Variants in VTI1A observed in about 807,000 individuals in gnomAD.
VTI1A encodes the protein vesicle transport through interaction with t-SNAREs 1A.
In VTI1A, 22 loss-of-function variants were observed where a neutral mutation model predicts 34.9. The ratio of observed to expected loss-of-function variants is 0.63; its 90% confidence interval spans 0.45 to 0.90. VTI1A has a LOEUF of 0.90. Ranked by LOEUF, VTI1A falls within the 40% of genes least tolerant of loss-of-function variation. VTI1A has a pLI of 0.00. For synonymous variants in VTI1A, 87 were observed against 97.3 expected (o/e 0.89, Z 0.62); for missense variants, 268 against 275.6 (o/e 0.97, Z 0.20).
chr10:112,510,055 C>G (rs73365022), intron 3 of VTI1A, among the ~76,000 whole-genome samples: 211 of 152,244 alleles, frequency 1.4e-3, no homozygotes, highest in African/African-American at 4.9e-3. Context: ...ACATTCAATC[C>G]CTGTCCAGTG....
At chr10:112,675,144 C>A (rs958459503) in intron 7 of VTI1A, among the ~76,000 whole-genome samples, 3 of 152,142 alleles carry the variant, frequency 2.0e-5, no homozygotes, top group Admixed American at 2.0e-4. Context: ...CTATGCTATG[C>A]CTTTTAATAA....
chr10:112,639,621 G>A (rs1322876107), intron 5 of VTI1A, among the ~76,000 whole-genome samples: 1 of 152,114 alleles, frequency 6.6e-6, no homozygotes, highest in African/African-American at 2.4e-5. Context: ...ACATTTAAGA[G>A]CTCTAGAACA....
chr10:112,709,164 C>G (rs1849310563), intron 7 of VTI1A, among the ~76,000 whole-genome samples: 1 of 152,222 alleles, frequency 6.6e-6, no homozygotes, highest in Non-Finnish European at 1.5e-5. Context: ...TTAGTCCCGG[C>G]CTTCATTTCA....
intron 2 of VTI1A, among the ~76,000 whole-genome samples, chr10:112,461,760 C>A (rs1422011283): frequency 6.6e-6 from 1 of 152,178 alleles, no homozygotes; most frequent in Admixed American, 6.5e-5. Flanking sequence ...CTCTGTCACC[C>A]AGACTGGAGT....
chr10:112,616,021 TCTCAACC>T (rs1845501724), intron 5 of VTI1A, among the ~76,000 whole-genome samples: 1 of 152,160 alleles, frequency 6.6e-6, no homozygotes, highest in Admixed American at 6.5e-5. Context: ...GCATCAAAGT[TCTCAACC>T]TAGGAGGCTG....
At chr10:112,754,356 C>T (rs1461761737) in intron 7 of VTI1A, among the ~76,000 whole-genome samples, 3 of 152,178 alleles carry the variant, frequency 2.0e-5, no homozygotes, top group East Asian at 1.9e-4. Context: ...GACTCCTGCC[C>T]AGCCTGCTGT....
intron 3 of VTI1A, among the ~76,000 whole-genome samples, chr10:112,483,217 G>C (rs545745855): frequency 1.3e-5 from 2 of 152,032 alleles, no homozygotes; most frequent in Non-Finnish European, 2.9e-5. Context: ...TCAAAGTACA[G>C]ACTGATGTTA....
At chr10:112,708,197 T>G (rs1849268529) in intron 7 of VTI1A, among the ~76,000 whole-genome samples, 1 of 152,214 alleles carries the variant, frequency 6.6e-6, no homozygotes, top group Admixed American at 6.5e-5. Flanking sequence ...ACATGCAAAA[T>G]AGAATAATTG....
At chr10:112,786,108 T>C (rs2134046785) in intron 7 of VTI1A, among the ~76,000 whole-genome samples, 1 of 152,346 alleles carries the variant, frequency 6.6e-6, no homozygotes, top group Admixed American at 6.5e-5. Flanking sequence ...TGTTCCTCAT[T>C]TATTTAGATC....
chr10:112,546,042 GTA>G (rs1851093793), intron 5 of VTI1A, among the ~76,000 whole-genome samples: 1 of 146,712 alleles, frequency 6.8e-6, no homozygotes, highest in South Asian at 2.2e-4. Context: ...GTATGTGTGT[GTA>G]TATACGTGTA....
chr10:112,532,683 T>C (rs1250492400), intron 4 of VTI1A, among the ~76,000 whole-genome samples: 3 of 152,294 alleles, frequency 2.0e-5, no homozygotes, highest in South Asian at 4.1e-4. Flanking sequence ...GATAATTTAC[T>C]AAGAAGTAAG....
chr10:112,760,836 C>T (rs1269039500), intron 7 of VTI1A, among the ~76,000 whole-genome samples: 2 of 140,402 alleles, frequency 1.4e-5, no homozygotes, highest in African/African-American at 2.7e-5. Context: ...TTGCAGTGAG[C>T]GGAGATCGTG....
intron 7 of VTI1A, among the ~76,000 whole-genome samples, chr10:112,744,611 A>T (rs1369466109): frequency 2.6e-5 from 4 of 151,866 alleles, no homozygotes; most frequent in Non-Finnish European, 5.9e-5. Context: ...TGCATGACTT[A>T]TTTTTAAATT....
At chr10:112,501,596 C>T (rs898925432) in intron 3 of VTI1A, among the ~76,000 whole-genome samples, 37 of 152,106 alleles carry the variant, frequency 2.4e-4, no homozygotes, top group Non-Finnish European at 4.4e-4. Context: ...TTTAAAAGGA[C>T]TCTGTGTAAT....
intron 5 of VTI1A, among the ~76,000 whole-genome samples, chr10:112,622,668 TC>T (rs1409683626): frequency 9.2e-5 from 14 of 152,190 alleles, no homozygotes; most frequent in Non-Finnish European, 1.6e-4. Context: ...TCATATAATC[TC>T]CTTTATTCTT....
intron 5 of VTI1A, among the ~76,000 whole-genome samples, chr10:112,556,452 T>C (rs1412576628): frequency 5.3e-5 from 8 of 152,048 alleles, no homozygotes; most frequent in Admixed American, 5.2e-4. Context: ...CTTGTTATGA[T>C]ATAACTTTTA....
At chr10:112,580,153 T>C (rs941753454) in intron 5 of VTI1A, among the ~76,000 whole-genome samples, 1 of 152,134 alleles carries the variant, frequency 6.6e-6, no homozygotes, top group Non-Finnish European at 1.5e-5. Context: ...TCATTGATCA[T>C]TTCAGGACCT....
intron 7 of VTI1A, among the ~76,000 whole-genome samples, chr10:112,694,046 A>C (rs1848698428): frequency 6.6e-6 from 1 of 152,114 alleles, no homozygotes; most frequent in Admixed American, 6.5e-5. Flanking sequence ...GTCTCTACTA[A>C]AAATACAAAA....
intron 4 of VTI1A, among the ~76,000 whole-genome samples, chr10:112,527,706 C>A (rs1313681966): frequency 1.4e-5 from 2 of 147,078 alleles, no homozygotes; most frequent in Non-Finnish European, 3.0e-5. Context: ...AAATAATAGT[C>A]ATAATAATAA....
Sources: allele counts gnomAD v4.1 joint callset (sites outside exome capture counted in the v4.1 genomes callset), GRCh38; gene constraint gnomAD v4.1.1; transcripts MANE v1.5; gene names NCBI Gene and HGNC (gene_info 2026-07-23, HGNC 2026-07-21).